Variants in KHDRBS2 observed in about 807,000 individuals in gnomAD.
KHDRBS2 encodes KH RNA binding domain containing, signal transduction associated 2, also known as KH domain-containing, RNA-binding, signal transduction-associated protein 2.
KHDRBS2 carries 26 observed loss-of-function variants against 44.3 expected under a neutral mutation model. That is an observed-to-expected ratio of 0.59 (90% CI 0.43 to 0.81). KHDRBS2 has a LOEUF of 0.81. KHDRBS2 is among the 40% of genes least tolerant of loss of function. The probability of loss-of-function intolerance (pLI) is 0.00; values close to 1 mark genes in which losing one functional copy is unlikely to be tolerated. For synonymous variants in KHDRBS2, 194 were observed against 151.1 expected, an observed-to-expected ratio of 1.28 and a Z score of -2.08; for missense variants, 476 against 433.1, an observed-to-expected ratio of 1.10 and a Z score of -0.88.
chr6:62,077,197 C>A (rs944908085), intron 2 of KHDRBS2, among the ~76,000 whole-genome samples: 2 of 151,902 alleles, frequency 1.3e-5, no homozygotes, highest in Non-Finnish European at 2.9e-5. Flanking sequence ...AGAGCAAGGA[C>A]CATATTAAGT....
intron 2 of KHDRBS2, among the ~76,000 whole-genome samples, chr6:62,069,872 T>C (rs1234093886): frequency 6.6e-6 from 1 of 151,780 alleles, no homozygotes; most frequent in African/African-American, 2.4e-5. Context: ...TATAATAAAT[T>C]TGAGTATATT....
At chr6:61,759,502 T>C (rs1166684601) in intron 6 of KHDRBS2, among the ~76,000 whole-genome samples, 1 of 152,200 alleles carries the variant, frequency 6.6e-6, no homozygotes, top group Non-Finnish European at 1.5e-5. Context: ...ATAGACTTAC[T>C]GATTTTAATT....
intron 4 of KHDRBS2, among the ~76,000 whole-genome samples, chr6:61,924,013 C>A (rs938915585): frequency 2.0e-5 from 3 of 151,712 alleles, no homozygotes; most frequent in Admixed American, 6.6e-5. Flanking sequence ...TAGCAATGAA[C>A]AATTAGGAGT....
the KHDRBS2 span, among the ~76,000 whole-genome samples, chr6:61,615,233 CAAAAAAAA>C: frequency 5.1e-5 from 3 of 58,594 alleles, no homozygotes; most frequent in Admixed American, 2.6e-4. Context: ...ACTCCATCTC[CAAAAAAAA>C]AAAAAAAAAA....
the KHDRBS2 span, among the ~76,000 whole-genome samples, chr6:61,547,436 T>C: frequency 6.6e-6 from 1 of 152,128 alleles, no homozygotes; most frequent in Non-Finnish European, 1.5e-5. Flanking sequence ...AAAACAAACA[T>C]TTCCATACTT....
At chr6:61,805,937 CA>C (rs1316403331) in intron 6 of KHDRBS2, among the ~76,000 whole-genome samples, 3 of 152,044 alleles carry the variant, frequency 2.0e-5, no homozygotes, top group African/African-American at 4.8e-5. Flanking sequence ...AACATAGAGG[CA>C]GTATGGATAA....
intron 2 of KHDRBS2, among the ~76,000 whole-genome samples, chr6:62,066,167 C>G (rs1325123838): frequency 6.6e-6 from 1 of 151,676 alleles, no homozygotes; most frequent in African/African-American, 2.4e-5. Flanking sequence ...TATTAACAAA[C>G]AGTCCTAATC....
intron 3 of KHDRBS2, among the ~76,000 whole-genome samples, chr6:62,008,427 T>C (rs1779668037): frequency 6.6e-6 from 1 of 152,232 alleles, no homozygotes; most frequent in African/African-American, 2.4e-5. Flanking sequence ...AATATATATG[T>C]ACATAACTTT....
the KHDRBS2 span, among the ~76,000 whole-genome samples, chr6:61,565,874 G>A: frequency 0.33 from 49,676 of 150,560 alleles, 9,288 homozygotes; most frequent in East Asian, 0.49. Flanking sequence ...ATATCCAAAA[G>A]CAAGGAAATC....
At chr6:62,185,923 T>C (rs531476005) in intron 1 of KHDRBS2, among the ~76,000 whole-genome samples, 26 of 152,022 alleles carry the variant, frequency 1.7e-4, no homozygotes, top group Admixed American at 5.9e-4. Flanking sequence ...ATTTTGCGTA[T>C]AAGATAAGAC....
chr6:61,959,036 G>A (rs535188634), intron 4 of KHDRBS2, among the ~76,000 whole-genome samples: 25 of 152,232 alleles, frequency 1.6e-4, no homozygotes, highest in East Asian at 1.5e-3. Flanking sequence ...CTTCAACAAC[G>A]TCTGTTCTTC....
intron 4 of KHDRBS2, among the ~76,000 whole-genome samples, chr6:61,928,757 C>T (rs769493085): frequency 3.3e-5 from 5 of 151,982 alleles, no homozygotes; most frequent in Non-Finnish European, 7.4e-5. Context: ...TAGGTTTTAT[C>T]ATGCTTGAGT....
the KHDRBS2 span, among the ~76,000 whole-genome samples, chr6:61,662,825 T>C: frequency 6.6e-6 from 1 of 151,814 alleles, no homozygotes; most frequent in Non-Finnish European, 1.5e-5. Flanking sequence ...GTTCAACCAT[T>C]GTGGAAGTCA....
chr6:61,746,031 G>T lies in KHDRBS2; in HGVS notation c.811-13267C>A, dbSNP rs150067602. ...GTACTTAACGTTTTTTTCCCAAAAA[G>T]ATTTTATTTTATTTTAGTTTAGTTT... On this transcript the variant is annotated intron_variant, in intron 6 of 8. Coordinates refer to ENST00000281156, the MANE Select transcript of KHDRBS2 (RefSeq NM_152688.4). Among the ~76,000 whole-genome samples the T allele has an allele frequency of 1.9e-3, 291 of 150,384 alleles. 3 individuals carry two copies. The highest frequency in any genetic ancestry group is 6.3e-3 in the African/African-American group (258 of 40,796).
chr6:62,128,479 G>A (rs1185109843), intron 2 of KHDRBS2, among the ~76,000 whole-genome samples: 1 of 151,852 alleles, frequency 6.6e-6, no homozygotes, highest in East Asian at 1.9e-4. Context: ...TACAGGAAAG[G>A]TAACTTTTAG....
At chr6:62,001,335 T>C (rs1778201232) in intron 3 of KHDRBS2, among the ~76,000 whole-genome samples, 3 of 151,928 alleles carry the variant, frequency 2.0e-5, no homozygotes, top group Non-Finnish European at 4.4e-5. Flanking sequence ...ATTAAGTAAG[T>C]TTATTTTGTG....
At chr6:61,828,189 T>C (rs768218936) in intron 6 of KHDRBS2, among the ~76,000 whole-genome samples, 1 of 152,188 alleles carries the variant, frequency 6.6e-6, no homozygotes. Flanking sequence ...TCATGCTGGG[T>C]ACAATCTCTG....
the KHDRBS2 span, among the ~76,000 whole-genome samples, chr6:61,592,188 C>CAAAAAA: frequency 8.5e-4 from 104 of 122,236 alleles, no homozygotes; most frequent in Non-Finnish European, 1.3e-3. Context: ...AAGATCCCAC[C>CAAAAAA]AAAAAAAAAA....
In KHDRBS2 at chr6:62,025,537, T is replaced by A. The variant is rs570837362; in HGVS notation, c.336+22341A>T. ...GTATTTATAAAGGATAAATTTTTTT[T>A]AAATAATACAAGACCTCAATACCAT... On this transcript the variant is annotated intron_variant, in intron 3 of 8. Coordinates refer to ENST00000281156, the MANE Select transcript of KHDRBS2 (RefSeq NM_152688.4). Among the ~76,000 whole-genome samples, 128 of 152,080 alleles carry A rather than the reference T, an allele frequency of 8.4e-4. 1 individual carries two copies. The Middle Eastern group carries it at 0.014, about 16-fold the overall frequency.
Sources: gnomAD v4.1 joint callset for allele counts (sites outside exome capture counted in the v4.1 genomes callset) on GRCh38, gnomAD v4.1.1 for gene constraint, MANE v1.5 for transcripts, NCBI Gene and HGNC (gene_info 2026-07-23, HGNC 2026-07-21) for gene names.